The following CNTN5 variants were observed in gnomAD, a reference collection of about 807,000 sequenced individuals.
CNTN5 encodes contactin-5.
CNTN5 carries 77 observed loss-of-function variants against 129.1 expected under a neutral mutation model. The observed-to-expected ratio is 0.60, with a 90% CI of 0.50 to 0.72. CNTN5 has a LOEUF of 0.72. Among genes scored for constraint, CNTN5 ranks in the 30% least tolerant of loss-of-function variants. The pLI is 0.00. For synonymous variants in CNTN5, 509 were observed against 465.6 expected, an observed-to-expected ratio of 1.09 and a Z score of -1.20; for missense variants, 1,478 against 1,328.8, an observed-to-expected ratio of 1.11 and a Z score of -1.75.
intron 2 of CNTN5, among the ~76,000 whole-genome samples, chr11:99,395,194 C>G (rs181257905): frequency 1.3e-5 from 2 of 151,860 alleles, no homozygotes; most frequent in Non-Finnish European, 2.9e-5. Context: ...CCCAACCTCA[C>G]AAGCATCTTT....
intron 2 of CNTN5, among the ~76,000 whole-genome samples, chr11:99,475,275 C>T (rs183892189): frequency 2.8e-4 from 43 of 152,316 alleles, no homozygotes; most frequent in Admixed American, 1.3e-3. Context: ...TGCCTGCCAT[C>T]TGCCCTGTCA....
At chr11:100,184,874 C>A (rs1007406111) in intron 13 of CNTN5, among the ~76,000 whole-genome samples, 1 of 151,798 alleles carries the variant, frequency 6.6e-6, no homozygotes, top group Non-Finnish European at 1.5e-5. Flanking sequence ...CATTGTAATC[C>A]CTACATGTTG....
intron 1 of CNTN5, among the ~76,000 whole-genome samples, chr11:99,253,897 TTATA>T (rs67720359): frequency 0.047 from 6,541 of 138,988 alleles, 502 homozygotes; most frequent in African/African-American, 0.16. Context: ...AAATATACGT[TTATA>T]TATATATATA....
intron 2 of CNTN5, among the ~76,000 whole-genome samples, chr11:99,526,529 G>C (rs1239081549): frequency 6.6e-6 from 1 of 152,208 alleles, no homozygotes; most frequent in African/African-American, 2.4e-5. Flanking sequence ...TTCGTTGACA[G>C]TGATGCATTG....
intron 2 of CNTN5, among the ~76,000 whole-genome samples, chr11:99,548,880 T>A (rs1352467742): frequency 1.3e-5 from 2 of 152,148 alleles, no homozygotes; most frequent in Admixed American, 6.6e-5. Context: ...TTGGTAAATT[T>A]TATCAATTCT....
intron 13 of CNTN5, among the ~76,000 whole-genome samples, chr11:100,117,501 G>C (rs1248037968): frequency 6.6e-6 from 1 of 151,870 alleles, no homozygotes; most frequent in African/African-American, 2.4e-5. Context: ...TTTCTGGGAG[G>C]ATTACGTGAA....
intron 1 of CNTN5, among the ~76,000 whole-genome samples, chr11:99,280,003 GA>G (rs538646814): frequency 5.3e-5 from 8 of 149,974 alleles, no homozygotes; most frequent in South Asian, 2.1e-4. Context: ...CTCAGAAAAA[GA>G]AAAAAAATCA....
chr11:99,104,616 G>A (rs971774384), intron 1 of CNTN5, among the ~76,000 whole-genome samples: 64 of 142,814 alleles, frequency 4.5e-4, no homozygotes, highest in Admixed American at 1.1e-3. Flanking sequence ...CAATGTGTGT[G>A]TATATATATA....
chr11:99,489,621 G>T (rs1448095698), intron 2 of CNTN5, among the ~76,000 whole-genome samples: 1 of 152,162 alleles, frequency 6.6e-6, no homozygotes, highest in East Asian at 1.9e-4. Flanking sequence ...TTAAATTATA[G>T]AGTCTATGTA....
intron 3 of CNTN5, among the ~76,000 whole-genome samples, chr11:99,791,414 A>C (rs2135436130): frequency 6.6e-6 from 1 of 152,078 alleles, no homozygotes; most frequent in African/African-American, 2.4e-5. Flanking sequence ...TTTCCCCGTC[A>C]CTTATTTTTG....
intron 1 of CNTN5, among the ~76,000 whole-genome samples, chr11:99,223,226 A>G (rs898568928): frequency 1.3e-5 from 2 of 152,156 alleles, no homozygotes; most frequent in Non-Finnish European, 2.9e-5. Context: ...CATCAGAGAA[A>G]AAACATGGAT....
chr11:99,504,361 T>C (rs900894913), intron 2 of CNTN5, among the ~76,000 whole-genome samples: 9 of 151,730 alleles, frequency 5.9e-5, no homozygotes, highest in South Asian at 2.1e-4. Context: ...GCTAACACGG[T>C]GAAACCCCGT....
At chr11:99,641,374 C>G (rs996122743) in intron 3 of CNTN5, among the ~76,000 whole-genome samples, 4 of 151,074 alleles carry the variant, frequency 2.6e-5, no homozygotes, top group Admixed American at 6.6e-5. Flanking sequence ...TTTATAATAC[C>G]TCAATTCTAG....
chr11:99,524,258 T>G (rs1231141345), intron 2 of CNTN5, among the ~76,000 whole-genome samples: 1 of 152,158 alleles, frequency 6.6e-6, no homozygotes, highest in Non-Finnish European at 1.5e-5. Flanking sequence ...ATTCCCTGAC[T>G]AAGCTGTTAA....
intron 2 of CNTN5, among the ~76,000 whole-genome samples, chr11:99,529,067 C>T (rs1204408698): frequency 2.0e-5 from 3 of 151,892 alleles, no homozygotes; most frequent in Admixed American, 1.3e-4. Flanking sequence ...AAGAGTGAAA[C>T]TGAGTCTCAA....
At chr11:100,335,966 A>G (rs1952030803) in intron 21 of CNTN5, among the ~76,000 whole-genome samples, 1 of 152,150 alleles carries the variant, frequency 6.6e-6, no homozygotes, top group Admixed American at 6.5e-5. Context: ...ACAAATAATA[A>G]AAATCAGAAA....
intron 8 of CNTN5, among the ~76,000 whole-genome samples, chr11:99,977,737 G>A (rs877481): frequency 0.31 from 46,424 of 151,952 alleles, 7,667 homozygotes; most frequent in African/African-American, 0.42. Flanking sequence ...ATGAGGCCCC[G>A]CCTTCAACAT....
At chr11:100,305,911 C>T (rs1951337209) in intron 20 of CNTN5, among the ~76,000 whole-genome samples, 1 of 145,592 alleles carries the variant, frequency 6.9e-6, no homozygotes, top group African/African-American at 2.5e-5. Context: ...TTGGACCACA[C>T]ATAAAATACA....
chr11:99,637,384 A>G (rs1341182679), intron 3 of CNTN5, among the ~76,000 whole-genome samples: 1 of 152,200 alleles, frequency 6.6e-6, no homozygotes, highest in African/African-American at 2.4e-5. Flanking sequence ...TGTATATAGC[A>G]TAATACTTGT....
Sources: gnomAD v4.1 joint callset for allele counts (sites outside exome capture counted in the v4.1 genomes callset) on GRCh38, gnomAD v4.1.1 for gene constraint, MANE v1.5 for transcripts, NCBI Gene and HGNC (gene_info 2026-07-23, HGNC 2026-07-21) for gene names.